Variants in NCMAP observed in about 807,000 individuals in gnomAD.
NCMAP encodes the protein noncompact myelin-associated protein.
Under a neutral mutation model 7.8 loss-of-function variants are expected in NCMAP, and 8 were observed. That is an observed-to-expected ratio of 1.02 (90% CI 0.60 to 1.84). The LOEUF is 1.84. Among genes scored for constraint, NCMAP ranks in the 40% most tolerant of loss-of-function variants. The probability of loss-of-function intolerance (pLI) is 0.00; values close to 1 mark genes in which losing one functional copy is unlikely to be tolerated. For missense variants in NCMAP, 112 were observed against 131.4 expected (o/e 0.85, Z 0.72); for synonymous variants, 41 against 52.9 (o/e 0.78, Z 0.98).
At chr1:24,577,712 A>AT (rs1369876314) in intron 1 of NCMAP, among the ~76,000 whole-genome samples, 4 of 152,004 alleles carry the variant, frequency 2.6e-5, no homozygotes, top group Admixed American at 2.6e-4. Context: ...TGGCATAGAT[A>AT]TTAACTACAT....
intron 3 of NCMAP, 105 bp from the exon 4 acceptor site, chr1:24,605,501 A>C (rs550910947): frequency 7.6e-7 from 1 of 1,315,290 alleles, no homozygotes; most frequent in Non-Finnish European, 1.0e-6. Context: ...TTTAATGTCT[A>C]CATTAATCTA....
intron 2 of NCMAP, 94 bp from the exon 3 acceptor site, chr1:24,600,846 G>A (rs2148938353): frequency 9.7e-7 from 1 of 1,025,744 alleles, no homozygotes; most frequent in Admixed American, 1.7e-5. Flanking sequence ...TGCCTCCCTT[G>A]ACCTAGTGAG....
At chr1:24,557,146 C>G (rs77883669) in intron 1 of NCMAP, among the ~76,000 whole-genome samples, 5 of 152,180 alleles carry the variant, frequency 3.3e-5, no homozygotes, top group Non-Finnish European at 5.9e-5. Flanking sequence ...ATTTGGTTCA[C>G]CCTTGTATCC....
intron 3 of NCMAP, among the ~76,000 whole-genome samples, chr1:24,604,606 ATATATATATATATATATATAT>A (rs1334841570): frequency 5.9e-4 from 4 of 6,806 alleles, no homozygotes; most frequent in Non-Finnish European, 9.2e-4. Flanking sequence ...AAAAAAAAAA[ATATATATATATATATATATAT>A]ATATATATAT....
Position 24,605,968 on chromosome 1 carries a change from A to G in NCMAP, c.*221A>G, listed in dbSNP as rs1652713167. ...TGCCGCCACCCCACCAAAAAGCTGC[A>G]GAACATTCTTTTGTCATCTGATGAG... On this transcript the variant is annotated 3_prime_UTR_variant, in exon 4 of 4. Coordinates refer to ENST00000374392, the MANE Select transcript of NCMAP (RefSeq NM_001010980.5). 4 of 549,758 alleles carry G rather than the reference A, an allele frequency of 7.3e-6. No homozygotes were observed. Among genetic ancestry groups the G allele is most frequent in the Admixed American group, 3.2e-5 (1 of 30,922 alleles). 34.1% of individuals were successfully genotyped at this position (549,758 alleles called of 1,614,324 possible).
chr1:24,568,474 G>A (rs1427584306), intron 1 of NCMAP, among the ~76,000 whole-genome samples: 2 of 152,180 alleles, frequency 1.3e-5, no homozygotes, highest in Admixed American at 1.3e-4. Flanking sequence ...TCATGTGGCT[G>A]GGGGTTTGGG....
intron 1 of NCMAP, among the ~76,000 whole-genome samples, chr1:24,565,565 TAGA>T (rs1651201814): frequency 7.3e-6 from 1 of 137,420 alleles, no homozygotes; most frequent in African/African-American, 2.8e-5. Context: ...TTAGAAGTGA[TAGA>T]AGATTGTGTG....
At chr1:24,561,017 T>C (rs959358093) in intron 1 of NCMAP, among the ~76,000 whole-genome samples, 9 of 151,886 alleles carry the variant, frequency 5.9e-5, no homozygotes, top group African/African-American at 1.9e-4. Flanking sequence ...TTTGCCTTCA[T>C]GGGACCCATG....
At chr1:24,573,955 A>AAAAAAAACAAAC (rs1331191555) in intron 1 of NCMAP, among the ~76,000 whole-genome samples, 10 of 71,090 alleles carry the variant, frequency 1.4e-4, no homozygotes. Context: ...GAGAGGACAA[A>AAAAAAAACAAAC]AAAAAAAAAA....
intron 1 of NCMAP, among the ~76,000 whole-genome samples, chr1:24,560,390 T>C (rs957248791): frequency 6.6e-6 from 1 of 152,230 alleles, no homozygotes; most frequent in Non-Finnish European, 1.5e-5. Flanking sequence ...TCTGGTTTCG[T>C]GCACACCCTG....
intron 1 of NCMAP, among the ~76,000 whole-genome samples, chr1:24,571,591 T>C (rs1435961149): frequency 1.3e-5 from 2 of 149,974 alleles, no homozygotes; most frequent in Non-Finnish European, 2.9e-5. Flanking sequence ...ATATATATAC[T>C]TTTTTTTTCT....
intron 1 of NCMAP, among the ~76,000 whole-genome samples, chr1:24,575,359 A>G (rs6682647): frequency 0.15 from 22,758 of 152,084 alleles, 2,535 homozygotes; most frequent in African/African-American, 0.32. Context: ...GGAGAGCCCC[A>G]CAGAAGTCAT....
chr1:24,591,778 A>T (rs1652056506), intron 1 of NCMAP, among the ~76,000 whole-genome samples: 1 of 152,114 alleles, frequency 6.6e-6, no homozygotes, highest in African/African-American at 2.4e-5. Flanking sequence ...GGGGTAGACA[A>T]GAGCTAGGGA....
chr1:24,601,263 G>C (rs1163552348), intron 3 of NCMAP, among the ~76,000 whole-genome samples: 1 of 152,052 alleles, frequency 6.6e-6, no homozygotes, highest in Non-Finnish European at 1.5e-5. Flanking sequence ...CAATGATAAT[G>C]GTCTTGAGCA....
intron 1 of NCMAP, among the ~76,000 whole-genome samples, chr1:24,593,792 C>T (rs1305065997): frequency 6.6e-6 from 1 of 152,014 alleles, no homozygotes; most frequent in East Asian, 1.9e-4. Flanking sequence ...AAAAGTGCCA[C>T]TCGGAAATAA....
chr1:24,605,672 C>T lies in NCMAP; in HGVS notation c.234C>T (p.Gly78=), dbSNP rs771715568. 2.8e-5 allele frequency: 46 copies of T among 1,614,066 alleles called. No individual in the cohort carries two copies. In the Admixed American group the frequency reaches 4.8e-4, roughly 17 times the overall value. ...GPKPTAPSAV[G]PNSNGSQHPA... is the part of the protein sequence containing the mutation. ...AGCCAACCGCCCCTTCTGCCGTGGG[C>T]CCAAACAGCAACGGCAGCCAACACC... The change falls in exon 4 of 4, where the codon GGC becomes GGT. Residue 78 remains glycine (G), a synonymous_variant. Coordinates refer to ENST00000374392, the MANE Select transcript of NCMAP (RefSeq NM_001010980.5).
At chr1:24,593,897 TTTA>T (rs1182685484) in intron 1 of NCMAP, among the ~76,000 whole-genome samples, 2 of 118,302 alleles carry the variant, frequency 1.7e-5, no homozygotes, top group African/African-American at 5.6e-5. Flanking sequence ...TATTTATTTA[TTTA>T]TTTTTTATTT....
chr1:24,583,485 G>A (rs890428047), intron 1 of NCMAP, among the ~76,000 whole-genome samples: 14 of 152,136 alleles, frequency 9.2e-5, no homozygotes, highest in African/African-American at 2.4e-4. Flanking sequence ...AGACCAAGGC[G>A]GGCGGATCAC....
intron 1 of NCMAP, among the ~76,000 whole-genome samples, chr1:24,563,351 G>A (rs956572194): frequency 3.3e-5 from 5 of 151,590 alleles, no homozygotes; most frequent in South Asian, 4.1e-4. Flanking sequence ...GAGAAACCCC[G>A]TCTCTACTAA....
Sources: allele counts gnomAD v4.1 joint callset (sites outside exome capture counted in the v4.1 genomes callset), GRCh38; gene constraint gnomAD v4.1.1; transcripts MANE v1.5; gene names NCBI Gene and HGNC (gene_info 2026-07-23, HGNC 2026-07-21).